PTPRN2: variants seen among roughly 807,000 people sequenced by gnomAD.
PTPRN2 encodes receptor-type tyrosine-protein phosphatase N2.
In PTPRN2, 74 loss-of-function variants were observed where a neutral mutation model predicts 118.8. That is an observed-to-expected ratio of 0.62 (90% CI 0.52 to 0.76). The LOEUF (loss-of-function observed/expected upper bound fraction) is 0.76. PTPRN2 is among the 30% of genes least tolerant of loss of function. PTPRN2 has a pLI of 0.00. For synonymous variants in PTPRN2, 641 were observed against 608.0 expected, an observed-to-expected ratio of 1.05 and a Z score of -0.80; for missense variants, 1,481 against 1,394.4, an observed-to-expected ratio of 1.06 and a Z score of -0.99.
At chr7:157,644,879 C>A (rs1356875520) in intron 14 of PTPRN2, among the ~76,000 whole-genome samples, 1 of 152,188 alleles carries the variant, frequency 6.6e-6, no homozygotes, top group Non-Finnish European at 1.5e-5. Context: ...CAATCCTATG[C>A]ACGATTTCCA....
At chr7:158,424,846 TTAACCATCAGCTTAATCTCCCAC>T (rs1815573104) in intron 2 of PTPRN2, among the ~76,000 whole-genome samples, 1 of 151,830 alleles carries the variant, frequency 6.6e-6, no homozygotes. Context: ...CCCAGGGGCA[TTAACCATCAGCTTAATCTCCCAC>T]GCCAGGTGTG....
intron 3 of PTPRN2, among the ~76,000 whole-genome samples, chr7:158,260,707 G>A (rs1797341725): frequency 6.6e-6 from 1 of 152,202 alleles, no homozygotes; most frequent in Admixed American, 6.5e-5. Flanking sequence ...CCGTGGGGCT[G>A]AAGATGGCAA....
intron 2 of PTPRN2, among the ~76,000 whole-genome samples, chr7:158,477,533 T>C (rs1273268031): frequency 3.3e-5 from 5 of 152,196 alleles, no homozygotes; most frequent in African/African-American, 1.2e-4. Flanking sequence ...AAGAGAAAAG[T>C]GGGTAATACT....
At chr7:157,992,975 C>T (rs1218615774) in intron 11 of PTPRN2, among the ~76,000 whole-genome samples, 1 of 152,236 alleles carries the variant, frequency 6.6e-6, no homozygotes, top group East Asian at 1.9e-4. Context: ...GGTTTGGGCG[C>T]CTGAGCCTGG....
intron 12 of PTPRN2, among the ~76,000 whole-genome samples, chr7:157,795,644 A>G (rs1261790887): frequency 6.6e-6 from 1 of 152,246 alleles, no homozygotes; most frequent in East Asian, 1.9e-4. Context: ...TTTTCAAGCT[A>G]TTGATAACAA....
At chr7:158,253,914 T>C (rs12671540) in intron 3 of PTPRN2, among the ~76,000 whole-genome samples, 3,485 of 98,318 alleles carry the variant, frequency 0.035, 617 homozygotes, top group Admixed American at 0.081. Flanking sequence ...CGACCCGCCC[T>C]CCATCTCTAC....
At chr7:157,699,269 G>A (rs1324483717) in intron 12 of PTPRN2, among the ~76,000 whole-genome samples, 3 of 152,174 alleles carry the variant, frequency 2.0e-5, no homozygotes, top group Non-Finnish European at 4.4e-5. Flanking sequence ...TGAAAGAACA[G>A]CAACAGCCTG....
At chr7:157,578,357 T>A (rs1437609626) in intron 17 of PTPRN2, among the ~76,000 whole-genome samples, 1 of 152,168 alleles carries the variant, frequency 6.6e-6, no homozygotes, top group East Asian at 1.9e-4. Flanking sequence ...ACCCCGCAAA[T>A]TTATCCCATG....
intron 8 of PTPRN2, 80 bp from the exon 9 acceptor site, chr7:158,134,139 C>CA: frequency 6.7e-7 from 1 of 1,486,806 alleles, no homozygotes; most frequent in South Asian, 1.3e-5. Context: ...CTGCCCGGGA[C>CA]AGAGTCACTG....
intron 4 of PTPRN2, among the ~76,000 whole-genome samples, chr7:158,196,608 G>A (rs1194806568): frequency 6.6e-6 from 1 of 152,092 alleles, no homozygotes; most frequent in African/African-American, 2.4e-5. Context: ...CCCTGCATTT[G>A]GACTTCAGGA....
intron 2 of PTPRN2, among the ~76,000 whole-genome samples, chr7:158,326,535 G>A (rs1016330927): frequency 6.6e-6 from 1 of 152,208 alleles, no homozygotes; most frequent in African/African-American, 2.4e-5. Flanking sequence ...ATGCACATAT[G>A]CAGACACACA....
chr7:158,581,968 C>T (rs767431309), intron 1 of PTPRN2, among the ~76,000 whole-genome samples: 13 of 152,170 alleles, frequency 8.5e-5, no homozygotes, highest in African/African-American at 2.4e-4. Flanking sequence ...TCCAAGGGAG[C>T]CTCACCCATT....
chr7:158,452,290 T>A (rs1038740453), intron 2 of PTPRN2, among the ~76,000 whole-genome samples: 1 of 152,174 alleles, frequency 6.6e-6, no homozygotes, highest in Non-Finnish European at 1.5e-5. Flanking sequence ...TCAAAAAAAA[T>A]TGTTAATATG....
At chr7:158,168,206 C>T (rs73745200) in intron 5 of PTPRN2, among the ~76,000 whole-genome samples, 16,514 of 152,192 alleles carry the variant, frequency 0.11, 1,339 homozygotes, top group African/African-American at 0.23. Flanking sequence ...AAAGCAATAC[C>T]GTGCTGTGTC....
chr7:157,803,819 CT>C (rs1419796466), intron 12 of PTPRN2, among the ~76,000 whole-genome samples: 1 of 152,142 alleles, frequency 6.6e-6, no homozygotes, highest in Admixed American at 6.6e-5. Flanking sequence ...ATAACCATAG[CT>C]TTGTAATATA....
In PTPRN2 at chr7:157,598,411, T is replaced by C. The variant is rs975835988; in HGVS notation, c.2419-3096A>G. ...CTGTATGGTGGGTGAGCTCAGGGAG[T>C]GAGGAGCTTGGACGTCGGCGTCTCC... On this transcript the variant is annotated intron_variant, in intron 16 of 22. Coordinates refer to ENST00000389418, the MANE Select transcript of PTPRN2 (RefSeq NM_002847.5). The surrounding 1 kb of genome is among the most constrained non-coding windows in gnomAD (Gnocchi z 5.2). Among the ~76,000 whole-genome samples, 3 of 151,798 alleles carry C rather than the reference T, an allele frequency of 2.0e-5. No individual in the cohort carries two copies. Among genetic ancestry groups the C allele is most frequent in the African/African-American group, 7.3e-5 (3 of 41,198 alleles).
chr7:157,576,816 G>A (rs754272320), intron 18 of PTPRN2, 37 bp from the exon 19 acceptor site: 2 of 1,540,752 alleles, frequency 1.3e-6, no homozygotes, highest in Non-Finnish European at 8.8e-7. Context: ...ACAGAGACAG[G>A]TGTGGACATT....
At chr7:158,330,117 TA>T (rs1563148561) in intron 2 of PTPRN2, among the ~76,000 whole-genome samples, 2 of 129,320 alleles carry the variant, frequency 1.5e-5, no homozygotes, top group African/African-American at 5.7e-5. Flanking sequence ...ACTCTCACCA[TA>T]AGAGCTGACA....
rs147529230 is a variant in PTPRN2, at chr7:158,504,445, A to G, written c.113-14660T>C. ...CTCCCACTTATAAGTGAGAACATGC[A>G]GTGTTTGGTTTTCTGTTCCTGTGTT... On this transcript the variant is annotated intron_variant, in intron 1 of 22. Transcript: ENST00000389418. 3.6e-3 allele frequency among the ~76,000 whole-genome samples: 547 copies of G among 152,108 alleles called. 1 individual carries two copies. The highest frequency in any genetic ancestry group is 0.013 in the African/African-American group (523 of 41,496).
Sources: allele counts gnomAD v4.1 joint callset (sites outside exome capture counted in the v4.1 genomes callset), GRCh38; gene constraint gnomAD v4.1.1; non-coding constraint Gnocchi (gnomAD v3.1); transcripts MANE v1.5; gene names NCBI Gene and HGNC (gene_info 2026-07-23, HGNC 2026-07-21).